The following LRMDA variants were observed in gnomAD, a reference collection of about 807,000 sequenced individuals.
LRMDA encodes leucine-rich melanocyte differentiation-associated protein.
A neutral mutation model predicts 29.8 loss-of-function variants in LRMDA; 18 were observed. The ratio of observed to expected loss-of-function variants is 0.60; its 90% confidence interval spans 0.42 to 0.90. The LOEUF is 0.90. Ranked by LOEUF, LRMDA falls within the 40% of genes least tolerant of loss-of-function variation. The probability of loss-of-function intolerance (pLI) is 0.00; values close to 1 mark genes in which losing one functional copy is unlikely to be tolerated. For synonymous variants in LRMDA, 125 were observed against 109.4 expected (o/e 1.14, Z -0.89); for missense variants, 273 against 273.9 (o/e 1.00, Z 0.02).
At chr10:75,532,779 A>C (rs1845493287) in intron 2 of LRMDA, among the ~76,000 whole-genome samples, 1 of 151,944 alleles carries the variant, frequency 6.6e-6, no homozygotes, top group Non-Finnish European at 1.5e-5. Context: ...CCTACCCTAG[A>C]CCTGGTGGCT....
intron 5 of LRMDA, among the ~76,000 whole-genome samples, chr10:76,316,605 G>A (rs1461072268): frequency 6.6e-6 from 1 of 152,204 alleles, no homozygotes; most frequent in Non-Finnish European, 1.5e-5. Flanking sequence ...TAAGGATCCT[G>A]TGACACTTGC....
chr10:75,610,335 C>T (rs532382554), intron 2 of LRMDA, among the ~76,000 whole-genome samples: 1 of 151,832 alleles, frequency 6.6e-6, no homozygotes, highest in East Asian at 1.9e-4. Flanking sequence ...CACCACACCT[C>T]CCACATCCCT....
chr10:75,990,419 G>T (rs1378956115), intron 2 of LRMDA, among the ~76,000 whole-genome samples: 1 of 152,174 alleles, frequency 6.6e-6, no homozygotes, highest in African/African-American at 2.4e-5. Flanking sequence ...TGTTAACCCT[G>T]CTCTGCTGTG....
At chr10:76,164,565 G>A (rs796335515) in intron 5 of LRMDA, among the ~76,000 whole-genome samples, 3 of 152,318 alleles carry the variant, frequency 2.0e-5, no homozygotes, top group African/African-American at 4.8e-5. Context: ...TTTGAGATAT[G>A]TGGTGAAGGC....
At chr10:75,481,775 CCT>C (rs1844858023) in intron 2 of LRMDA, among the ~76,000 whole-genome samples, 2 of 152,138 alleles carry the variant, frequency 1.3e-5, no homozygotes, top group South Asian at 4.1e-4. Context: ...CCACATTCTC[CCT>C]CTCTCTGCCC....
At chr10:75,921,867 A>G (rs539436488) in intron 2 of LRMDA, among the ~76,000 whole-genome samples, 1 of 152,290 alleles carries the variant, frequency 6.6e-6, no homozygotes, top group African/African-American at 2.4e-5. Flanking sequence ...CTGGCATTTA[A>G]TATTGATAAA....
intron 5 of LRMDA, chr10:76,241,888 G>C (rs1852283813): frequency 6.6e-6 from 1 of 152,190 alleles, no homozygotes; most frequent in African/African-American, 2.4e-5. Flanking sequence ...GTGAGAATAA[G>C]AGTACTAACC....
chr10:75,500,173 G>C (rs1170409349), intron 2 of LRMDA, among the ~76,000 whole-genome samples: 1 of 152,106 alleles, frequency 6.6e-6, no homozygotes, highest in Admixed American at 6.5e-5. Flanking sequence ...AACCCCTGTT[G>C]CTCCTTACAG....
intron 2 of LRMDA, among the ~76,000 whole-genome samples, chr10:75,483,149 G>A (rs563708057): frequency 1.4e-4 from 21 of 152,110 alleles, no homozygotes; most frequent in South Asian, 1.0e-3. Context: ...GTTTTACCAC[G>A]TTACCCAGGC....
intron 6 of LRMDA, among the ~76,000 whole-genome samples, chr10:76,412,578 A>T (rs1841973639): frequency 1.3e-5 from 2 of 152,164 alleles, no homozygotes; most frequent in African/African-American, 4.8e-5. Context: ...GTATGACTCT[A>T]GGAATATAGA....
intron 6 of LRMDA, among the ~76,000 whole-genome samples, chr10:76,356,157 T>G (rs1266202421): frequency 1.3e-5 from 2 of 152,224 alleles, no homozygotes; most frequent in African/African-American, 2.4e-5. Context: ...AATTGCAAAG[T>G]GTTTTAGAAA....
chr10:76,017,704 A>G (rs951730880), intron 2 of LRMDA, among the ~76,000 whole-genome samples: 9 of 152,138 alleles, frequency 5.9e-5, no homozygotes, highest in Non-Finnish European at 1.3e-4. Context: ...ACGGTGATGA[A>G]AATGACTTCC....
At chr10:76,147,591 T>C (rs1850352780) in intron 5 of LRMDA, among the ~76,000 whole-genome samples, 1 of 152,026 alleles carries the variant, frequency 6.6e-6, no homozygotes, top group South Asian at 2.1e-4. Context: ...TTCGTCTAAT[T>C]TTTTTTCAAA....
rs201634703 is a variant in LRMDA at position 76,118,408 on chromosome 10, G to A, written c.516+59625G>A. Among the ~76,000 whole-genome samples, 9 of 152,274 alleles carry A rather than the reference G, an allele frequency of 5.9e-5. No individual in the cohort carries two copies. In the East Asian group the frequency reaches 1.5e-3, roughly 26 times the overall value. On this transcript the variant is annotated intron_variant, in intron 5 of 6. Coordinates refer to ENST00000611255, the MANE Select transcript of LRMDA (RefSeq NM_001305581.2). ...GAACTTCTATATTAAGATATAGTGT[G>A]CTAATGTTATTACCCAATCAGAGTG...
At chr10:76,492,418 A>G (rs765917355) in intron 6 of LRMDA, among the ~76,000 whole-genome samples, 4 of 152,084 alleles carry the variant, frequency 2.6e-5, no homozygotes, top group Admixed American at 6.6e-5. Context: ...CGCCAAACCC[A>G]TAACACTATG....
chr10:75,707,376 G>A (rs575741796), intron 2 of LRMDA, among the ~76,000 whole-genome samples: 11 of 152,234 alleles, frequency 7.2e-5, no homozygotes, highest in South Asian at 2.1e-4. Context: ...GAAACCCTCC[G>A]CCTGACCAGC....
At chr10:76,182,835 T>C (rs1851078917) in intron 5 of LRMDA, among the ~76,000 whole-genome samples, 1 of 152,152 alleles carries the variant, frequency 6.6e-6, no homozygotes, top group African/African-American at 2.4e-5. Context: ...CAAGACAGAC[T>C]GGCAGAAGGA....
rs997143733 is a variant in LRMDA at position 76,168,844 on chromosome 10, C to T, written c.516+110061C>T. ...AAAATTACAATAGATCTCATTTTAT[C>T]CTTGACATTGGAATTCTGAAACATA... On this transcript the variant is annotated intron_variant, in intron 5 of 6. Transcript: ENST00000611255. 2.0e-5 allele frequency among the ~76,000 whole-genome samples: 3 copies of T among 152,284 alleles called. No homozygotes were observed. In the East Asian group the frequency reaches 5.8e-4, roughly 29 times the overall value.
chr10:76,167,243 T>C (rs922261046), intron 5 of LRMDA, among the ~76,000 whole-genome samples: 1 of 152,234 alleles, frequency 6.6e-6, no homozygotes, highest in Non-Finnish European at 1.5e-5. Flanking sequence ...AAATATCTTC[T>C]CCCATTCTGT....
Sources: gnomAD v4.1 joint callset for allele counts (sites outside exome capture counted in the v4.1 genomes callset) on GRCh38, gnomAD v4.1.1 for gene constraint, MANE v1.5 for transcripts, NCBI Gene and HGNC (gene_info 2026-07-23, HGNC 2026-07-21) for gene names.